Variants in KLHL1 observed in about 807,000 individuals in gnomAD.
KLHL1 encodes kelch like family member 1.
KLHL1 carries 47 observed loss-of-function variants against 77.7 expected under a neutral mutation model. The ratio of observed to expected loss-of-function variants is 0.60; its 90% CI spans 0.48 to 0.77. KLHL1 has a LOEUF of 0.77. Among genes scored for constraint, KLHL1 ranks in the 30% least tolerant of loss-of-function variants. KLHL1 has a pLI of 0.00. For missense variants in KLHL1, 925 were observed against 910.8 expected (o/e 1.02, Z -0.20); for synonymous variants, 360 against 325.2 (o/e 1.11, Z -1.15).
intron 1 of KLHL1, among the ~76,000 whole-genome samples, chr13:69,986,269 A>C (rs1884867675): frequency 1.3e-5 from 2 of 152,016 alleles, no homozygotes; most frequent in African/African-American, 2.4e-5. Flanking sequence ...GTTGCACAGT[A>C]GGTTGACTAT....
intron 8 of KLHL1, among the ~76,000 whole-genome samples, chr13:69,727,612 T>C (rs7328565): frequency 0.46 from 69,829 of 151,832 alleles, 16,985 homozygotes; most frequent in African/African-American, 0.62. Context: ...CACTGTATTC[T>C]AGAATGAAGA....
intron 1 of KLHL1, among the ~76,000 whole-genome samples, chr13:70,045,294 T>C (rs1289621647): frequency 1.3e-5 from 2 of 152,226 alleles, no homozygotes; most frequent in Non-Finnish European, 2.9e-5. Context: ...TTTTTGCTTT[T>C]ATCTTGATTT....
At chr13:69,971,686 T>G (rs1884386068) in intron 2 of KLHL1, among the ~76,000 whole-genome samples, 1 of 152,066 alleles carries the variant, frequency 6.6e-6, no homozygotes, top group Non-Finnish European at 1.5e-5. Flanking sequence ...TGTCTTGACT[T>G]GGAATTAGAA....
Position 69,701,389 on chromosome 13 carries a change from CTCCTT to C in KLHL1, c.*308_*312del. The C allele has an allele frequency of 4.5e-6, 1 of 224,578 alleles. No individual in the cohort carries two copies. Among genetic ancestry groups the C allele is most frequent in the Non-Finnish European group, 8.6e-6 (1 of 115,842 alleles). The allele number at this position is 224,578 out of a possible 1,614,324, so 13.9% of individuals were successfully genotyped here. ...CTATCCATGTCACAAATATTGGTCT[CTCCTT>C]TCAACTGCTCAAGAAAAAACAAGCC... On this transcript the variant is annotated 3_prime_UTR_variant, in exon 11 of 11. Coordinates refer to ENST00000377844, the MANE Select transcript of KLHL1 (RefSeq NM_020866.3).
At chr13:69,798,246 C>A (rs530297650) in intron 6 of KLHL1, among the ~76,000 whole-genome samples, 1 of 152,264 alleles carries the variant, frequency 6.6e-6, no homozygotes, top group Non-Finnish European at 1.5e-5. Context: ...CACTGATGAT[C>A]TATTTTACCT....
At chr13:69,723,005 A>C (rs1428924277) in intron 8 of KLHL1, among the ~76,000 whole-genome samples, 1 of 152,094 alleles carries the variant, frequency 6.6e-6, no homozygotes, top group African/African-American at 2.4e-5. Flanking sequence ...AAAAACAATA[A>C]ACTCCTAATA....
intron 4 of KLHL1, among the ~76,000 whole-genome samples, chr13:69,906,941 C>A (rs1029045453): frequency 6.6e-6 from 1 of 151,960 alleles, no homozygotes; most frequent in Non-Finnish European, 1.5e-5. Flanking sequence ...ATCATCTATG[C>A]TATTTTGCAA....
At chr13:69,749,335 A>T (rs1469245079) in intron 7 of KLHL1, among the ~76,000 whole-genome samples, 1 of 152,024 alleles carries the variant, frequency 6.6e-6, no homozygotes, top group African/African-American at 2.4e-5. Context: ...GAAAAGAAAC[A>T]TCTAAAGTCA....
Position 70,030,934 on chromosome 13 carries a change from T to C in KLHL1, c.498-55132A>G, listed in dbSNP as rs546028600. Among the ~76,000 whole-genome samples the C allele has an allele frequency of 1.7e-4, 26 of 152,190 alleles. No homozygotes were observed. The East Asian group carries it at 4.8e-3, about 28-fold the overall frequency. On this transcript the variant is annotated intron_variant, in intron 1 of 10. Coordinates refer to ENST00000377844, the MANE Select transcript of KLHL1 (RefSeq NM_020866.3). ...GATATCACCACCAATCCCACAGAAA[T>C]AGAAACTGCCATCAGAGAATACTAT...
At chr13:69,961,737 C>T (rs2137271237) in intron 2 of KLHL1, among the ~76,000 whole-genome samples, 1 of 151,986 alleles carries the variant, frequency 6.6e-6, no homozygotes, top group Middle Eastern at 3.4e-3. Context: ...TATGTAATGA[C>T]CCACCTTTCA....
At chr13:69,853,746 C>T (rs1464111854) in intron 5 of KLHL1, among the ~76,000 whole-genome samples, 7 of 151,944 alleles carry the variant, frequency 4.6e-5, no homozygotes, top group Non-Finnish European at 8.8e-5. Flanking sequence ...AGAAGAGCCC[C>T]ACCTTGTTTT....
At chr13:69,869,297 A>G (rs767563087) in intron 5 of KLHL1, among the ~76,000 whole-genome samples, 9 of 152,102 alleles carry the variant, frequency 5.9e-5, no homozygotes, top group Non-Finnish European at 1.3e-4. Context: ...TATTCAGAGT[A>G]TTAAATTAGA....
chr13:69,719,570 A>C lies in KLHL1; in HGVS notation c.1814T>G (p.Val605Gly). Reference protein sequence around the residue: ...VAALNGKLYSVGGRDGSSCLS... With the variant: ...VAALNGKLYSGGGRDGSSCLS... ...ACAGGAACTTCCATCACGACCTCCA[A>C]CTGAATACAACCTAAAAACACAATT... The change falls in exon 9 of 11, where the codon GTT becomes GGT. Residue 605 changes from valine (V) to glycine (G), a missense_variant. Physicochemically the swap from Val to Gly is moderately radical, Grantham distance 109. Coordinates refer to ENST00000377844, the MANE Select transcript of KLHL1 (RefSeq NM_020866.3). The C allele has an allele frequency of 1.2e-6, 2 of 1,610,734 alleles. No individual in the cohort carries two copies. Among genetic ancestry groups the C allele is most frequent in the Non-Finnish European group, 1.7e-6 (2 of 1,178,436 alleles).
intron 1 of KLHL1, among the ~76,000 whole-genome samples, chr13:70,088,351 GGAT>G (rs1232212294): frequency 6.6e-6 from 1 of 151,732 alleles, no homozygotes; most frequent in Non-Finnish European, 1.5e-5. Context: ...CTTTGATAAT[GGAT>G]GATAATTCAT....
At chr13:69,807,539 T>TC (rs1877667428) in intron 6 of KLHL1, among the ~76,000 whole-genome samples, 1 of 152,020 alleles carries the variant, frequency 6.6e-6, no homozygotes, top group Non-Finnish European at 1.5e-5. Flanking sequence ...CAAACCACAC[T>TC]CCCCATGTAG....
intron 7 of KLHL1, among the ~76,000 whole-genome samples, chr13:69,783,321 T>A (rs886068837): frequency 6.6e-6 from 1 of 152,196 alleles, no homozygotes; most frequent in Non-Finnish European, 1.5e-5. Flanking sequence ...CAAAGCTGGA[T>A]GGAGAATGAC....
chr13:69,821,819 C>T (rs532926713), intron 6 of KLHL1, among the ~76,000 whole-genome samples: 40 of 152,214 alleles, frequency 2.6e-4, no homozygotes, highest in South Asian at 4.1e-4. Context: ...AAACTATTTT[C>T]GACTAACTTT....
In KLHL1 at chr13:69,883,487, G is replaced by A. The variant is rs533013788; in HGVS notation, c.1015-992C>T. ...ACTGAGTCTCATTTGACCTGGTCAC[G>A]CCTTCACTATCCCCTTGCGGTGTGT... On this transcript the variant is annotated intron_variant, in intron 4 of 10. Transcript: ENST00000377844. Among the ~76,000 whole-genome samples, 85 of 152,236 alleles carry A rather than the reference G, an allele frequency of 5.6e-4. 2 individuals are homozygous for A. Among genetic ancestry groups the A allele is most frequent in the South Asian group, 4.2e-4 (2 of 4,816 alleles).
intron 6 of KLHL1, among the ~76,000 whole-genome samples, chr13:69,815,609 A>G (rs1878087076): frequency 6.6e-6 from 1 of 152,164 alleles, no homozygotes; most frequent in Non-Finnish European, 1.5e-5. Context: ...ATCAGGTACT[A>G]TGTTTACTCT....
Sources: gnomAD v4.1 joint callset for allele counts (sites outside exome capture counted in the v4.1 genomes callset) on GRCh38, gnomAD v4.1.1 for gene constraint, MANE v1.5 for transcripts, NCBI Gene and HGNC (gene_info 2026-07-23, HGNC 2026-07-21) for gene names.